CDK14: variants seen among roughly 807,000 people sequenced by gnomAD.
CDK14 encodes the protein cyclin dependent kinase 14, also known as cyclin-dependent kinase 14.
CDK14 carries 34 observed loss-of-function variants against 60.7 expected under a neutral mutation model. The ratio of observed to expected loss-of-function variants is 0.56; its 90% CI spans 0.43 to 0.75. CDK14 has a LOEUF of 0.75. Ranked by LOEUF, CDK14 falls within the 30% of genes least tolerant of loss-of-function variation. CDK14 has a pLI of 0.00. For missense variants in CDK14, 482 were observed against 564.1 expected, an observed-to-expected ratio of 0.85 and a Z score of 1.47; for synonymous variants, 197 against 203.7, an observed-to-expected ratio of 0.97 and a Z score of 0.28.
At chr7:90,737,168 C>T (rs1278732719) in intron 3 of CDK14, among the ~76,000 whole-genome samples, 1 of 152,150 alleles carries the variant, frequency 6.6e-6, no homozygotes, top group Non-Finnish European at 1.5e-5. Context: ...CAGCTGTGCT[C>T]CTCAGTAGCT....
intron 11 of CDK14, among the ~76,000 whole-genome samples, chr7:91,059,479 T>A (rs1797707650): frequency 2.0e-5 from 3 of 152,214 alleles, no homozygotes; most frequent in Admixed American, 6.5e-5. Flanking sequence ...CTTCTCTAGT[T>A]CTTTTAATTG....
chr7:90,818,166 C>CCTCTCTA (rs1218425195), intron 5 of CDK14, among the ~76,000 whole-genome samples: 1 of 152,174 alleles, frequency 6.6e-6, no homozygotes, highest in African/African-American at 2.4e-5. Context: ...TGCACACAGT[C>CCTCTCTA]CTCTCTAGCA....
At chr7:90,603,808 G>A (rs905708811) in intron 1 of CDK14, among the ~76,000 whole-genome samples, 3 of 152,142 alleles carry the variant, frequency 2.0e-5, no homozygotes, top group African/African-American at 7.2e-5. Flanking sequence ...ATGTCATTCA[G>A]GGCTCTGTGC....
rs202131846 is a variant in CDK14 at position 91,111,537 on chromosome 7, C to A, written c.1155-1005C>A. ...AGAAAGAGAGCATGGCATATGCAAA[C>A]CACTTTAGAGTCAAGAAGTTCTGGA... On this transcript the variant is annotated intron_variant, in intron 12 of 14. Transcript: ENST00000380050. Among the ~76,000 whole-genome samples the A allele has an allele frequency of 4.6e-5, 7 of 152,140 alleles. No individual in the cohort carries two copies. In the East Asian group the frequency reaches 1.3e-3, roughly 29 times the overall value.
chr7:90,861,806 G>A (rs1413545479), intron 5 of CDK14, among the ~76,000 whole-genome samples: 2 of 150,258 alleles, frequency 1.3e-5, no homozygotes, highest in African/African-American at 2.4e-5. Flanking sequence ...GAACCAGTTC[G>A]TTCATTAAAT....
chr7:90,775,942 A>AT (rs1436462649), intron 4 of CDK14, among the ~76,000 whole-genome samples: 2 of 152,120 alleles, frequency 1.3e-5, no homozygotes, highest in East Asian at 3.9e-4. Context: ...ATGTTTATGT[A>AT]TAAAAACTCA....
intron 3 of CDK14, among the ~76,000 whole-genome samples, chr7:90,736,041 C>T (rs748968384): frequency 4.6e-5 from 7 of 152,178 alleles, no homozygotes; most frequent in Admixed American, 6.5e-5. Context: ...CTGTTCCTCC[C>T]GGTACAGTCT....
intron 5 of CDK14, among the ~76,000 whole-genome samples, chr7:90,803,385 C>T (rs1291765468): frequency 6.6e-6 from 1 of 152,010 alleles, no homozygotes; most frequent in Admixed American, 6.6e-5. Flanking sequence ...TAATGGGCCT[C>T]TAAAAAGGTT....
At chr7:90,798,476 A>C (rs1312132213) in intron 5 of CDK14, among the ~76,000 whole-genome samples, 1 of 152,198 alleles carries the variant, frequency 6.6e-6, no homozygotes, top group Admixed American at 6.5e-5. Context: ...ATTGATGAGG[A>C]AGCAGCATGG....
At chr7:90,883,697 C>T (rs2374370) in intron 6 of CDK14, among the ~76,000 whole-genome samples, 138,109 of 152,136 alleles carry the variant, frequency 0.91, 62,745 homozygotes, top group East Asian at 0.96. Context: ...CAATAAATTA[C>T]TGGCAAACTG....
chr7:91,100,382 GTAGTGAAGCAGTTACCTTA>G (rs771910703), intron 12 of CDK14, among the ~76,000 whole-genome samples: 1 of 152,188 alleles, frequency 6.6e-6, no homozygotes, highest in Non-Finnish European at 1.5e-5. Flanking sequence ...CAAAAGCAAT[GTAGTGAAGCAGTTACCTTA>G]TTCTGTCCTG....
intron 2 of CDK14, among the ~76,000 whole-genome samples, chr7:90,637,474 G>T (rs1241782489): frequency 1.3e-5 from 2 of 151,630 alleles, no homozygotes; most frequent in Admixed American, 1.3e-4. Context: ...CTGAGTTCTA[G>T]TTTGATTGCA....
At chr7:91,126,329 G>A (rs926550075) in intron 14 of CDK14, among the ~76,000 whole-genome samples, 14 of 152,030 alleles carry the variant, frequency 9.2e-5, no homozygotes, top group Non-Finnish European at 1.3e-4. Context: ...CCTCCCTGGC[G>A]CCATACCAAC....
intron 12 of CDK14, among the ~76,000 whole-genome samples, chr7:91,109,195 T>C (rs1168375616): frequency 6.6e-6 from 1 of 152,178 alleles, no homozygotes; most frequent in Admixed American, 6.5e-5. Context: ...AGAAATGTAA[T>C]ATTTTTTAAG....
intron 12 of CDK14, among the ~76,000 whole-genome samples, chr7:91,107,966 AAACCT>A (rs1799354061): frequency 6.6e-6 from 1 of 152,326 alleles, no homozygotes; most frequent in East Asian, 1.9e-4. Context: ...GACAGAATTG[AAACCT>A]CTGTATTTGG....
At chr7:90,767,190 C>T (rs1804600510) in intron 4 of CDK14, among the ~76,000 whole-genome samples, 1 of 152,238 alleles carries the variant, frequency 6.6e-6, no homozygotes. Context: ...TATGAACTTA[C>T]ACAAACAGGT....
intron 5 of CDK14, among the ~76,000 whole-genome samples, chr7:90,792,766 C>T (rs941770003): frequency 1.5e-4 from 23 of 152,300 alleles, no homozygotes; most frequent in African/African-American, 4.6e-4. Flanking sequence ...ACTCTGTTAG[C>T]CGTATAATAT....
chr7:91,135,885 T>C (rs1436245843), intron 14 of CDK14, among the ~76,000 whole-genome samples: 2 of 152,142 alleles, frequency 1.3e-5, no homozygotes, highest in East Asian at 3.9e-4. Flanking sequence ...GGATGTCTTT[T>C]AGAGCCGGAC....
At chr7:91,191,867 A>T (rs553798959) in intron 14 of CDK14, among the ~76,000 whole-genome samples, 3 of 152,068 alleles carry the variant, frequency 2.0e-5, no homozygotes, top group Non-Finnish European at 2.9e-5. Flanking sequence ...AATTGTGTGG[A>T]TCAGAGAACT....
Sources: gnomAD v4.1 joint callset for allele counts (sites outside exome capture counted in the v4.1 genomes callset) on GRCh38, gnomAD v4.1.1 for gene constraint, MANE v1.5 for transcripts, NCBI Gene and HGNC (gene_info 2026-07-23, HGNC 2026-07-21) for gene names.